PLEKHG1: variants seen among roughly 807,000 people sequenced by gnomAD.
PLEKHG1 encodes the protein pleckstrin homology domain-containing family G member 1.
PLEKHG1 carries 44 observed loss-of-function variants against 100.8 expected under a neutral mutation model. That is an observed-to-expected ratio of 0.44 (90% confidence interval 0.34 to 0.56). The LOEUF is 0.56. Among genes scored for constraint, PLEKHG1 ranks in the 20% least tolerant of loss-of-function variants. PLEKHG1 has a pLI of 0.01. For synonymous variants in PLEKHG1, 640 were observed against 662.5 expected (o/e 0.97, Z 0.52); for missense variants, 1,545 against 1,720.9 (o/e 0.90, Z 1.81).
At chr6:150,801,624 G>C (rs1050579690) in intron 6 of PLEKHG1, among the ~76,000 whole-genome samples, 2 of 151,490 alleles carry the variant, frequency 1.3e-5, no homozygotes, top group Admixed American at 1.3e-4. Context: ...ATTTTTGGTA[G>C]AGATAGAGTT....
In PLEKHG1 at chr6:150,756,949, A is replaced by G. The variant is rs560879376; in HGVS notation, c.412-11689A>G. ...AAGTCATATAGGTAATTATTGTCCA[A>G]CACATGTTTAAGTAAAGTATATGAT... On this transcript the variant is annotated intron_variant, in intron 2 of 15. Transcript: ENST00000358517. Among the ~76,000 whole-genome samples, 5 of 152,300 alleles carry G rather than the reference A, an allele frequency of 3.3e-5. No individual in the cohort carries two copies. The East Asian group carries it at 7.7e-4, about 23-fold the overall frequency.
chr6:150,622,876 A>G (rs965986991), intron 1 of PLEKHG1, among the ~76,000 whole-genome samples: 1 of 152,208 alleles, frequency 6.6e-6, no homozygotes, highest in Non-Finnish European at 1.5e-5. Flanking sequence ...GAAGATAGAA[A>G]AACAAAGAGG....
intron 2 of PLEKHG1, among the ~76,000 whole-genome samples, chr6:150,767,266 T>A (rs564033313): frequency 6.6e-6 from 1 of 152,216 alleles, no homozygotes; most frequent in Admixed American, 6.5e-5. Flanking sequence ...CTCTTATGAT[T>A]GTTCCATTTA....
intron 3 of PLEKHG1, among the ~76,000 whole-genome samples, chr6:150,704,319 C>T (rs1286588267): frequency 6.6e-6 from 1 of 152,204 alleles, no homozygotes. Flanking sequence ...CCTCTTGTCC[C>T]TTCTGAACAA....
chr6:150,828,013 T>C, intron 14 of PLEKHG1: 2 of 1,613,114 alleles, frequency 1.2e-6, no homozygotes, highest in South Asian at 2.2e-5. Flanking sequence ...TGGGTCATCT[T>C]GCACCTTTAC....
In PLEKHG1 at chr6:150,677,283, T is replaced by TACGCACAC. The variant is rs756621195; in HGVS notation, c.-99+26498_-99+26499insCGCACACA. ...CAGTCTTGTCTCTTGTTTCTTCCCCTATACACACACACACACACACGCGCG... is the reference window on the plus strand; with the variant it reads ...CAGTCTTGTCTCTTGTTTCTTCCCCTACGCACACATACACACACACACACACACGCGCG... On this transcript the variant is annotated intron_variant, in intron 3 of 3. Transcript: ENST00000367326. 5.1e-3 allele frequency among the ~76,000 whole-genome samples: 690 copies of TACGCACAC among 134,250 alleles called. 4 individuals are homozygous for TACGCACAC. Among genetic ancestry groups the TACGCACAC allele is most frequent in the Middle Eastern group, 0.034 (8 of 238 alleles). The allele number at this position is 134,250 out of a possible 152,430, so 88.1% of individuals were successfully genotyped here.
intron 3 of PLEKHG1, among the ~76,000 whole-genome samples, chr6:150,774,219 A>G (rs570847164): frequency 2.6e-5 from 4 of 152,286 alleles, no homozygotes; most frequent in African/African-American, 7.2e-5. Flanking sequence ...AAGTCTTCCT[A>G]TACAATATTG....
chr6:150,791,029 C>CA lies in PLEKHG1; in HGVS notation c.582+4574dup, dbSNP rs140383586. On this transcript the variant is annotated intron_variant, in intron 4 of 15. Coordinates refer to ENST00000358517, the Ensembl canonical transcript of PLEKHG1. ...ACAGAGTGAGACTCCGTCTCAAAAA[C>CA]AAAAGAAAAAAGAATATATACTCCT... 4.7e-3 allele frequency among the ~76,000 whole-genome samples: 717 copies of CA among 151,988 alleles called. 4 individuals are homozygous for CA. The highest frequency in any genetic ancestry group is 0.017 in the African/African-American group (691 of 41,446).
intron 2 of PLEKHG1, among the ~76,000 whole-genome samples, chr6:150,753,971 C>A (rs1429885862): frequency 6.6e-6 from 1 of 152,212 alleles, no homozygotes; most frequent in Non-Finnish European, 1.5e-5. Flanking sequence ...GCAGAGTCTA[C>A]ACTCATTAGG....
intron 3 of PLEKHG1, among the ~76,000 whole-genome samples, chr6:150,661,005 A>G (rs1179460747): frequency 6.6e-6 from 1 of 152,118 alleles, no homozygotes; most frequent in Non-Finnish European, 1.5e-5. Flanking sequence ...TTCCAAGGAG[A>G]ATGGGATTCT....
At chr6:150,655,474 C>T (rs376942531) in intron 3 of PLEKHG1, among the ~76,000 whole-genome samples, 48 of 152,060 alleles carry the variant, frequency 3.2e-4, no homozygotes, top group Middle Eastern at 3.4e-3. Context: ...TTAGGGAGGC[C>T]GAGGCGGGTA....
chr6:150,838,129 A>T (rs1446292968), intron 15 of PLEKHG1, among the ~76,000 whole-genome samples: 1 of 152,278 alleles, frequency 6.6e-6, no homozygotes, highest in Non-Finnish European at 1.5e-5. Flanking sequence ...AGTATTTATT[A>T]GTAGTTTAAG....
At chr6:150,709,969 G>A (rs559220029) in intron 3 of PLEKHG1, among the ~76,000 whole-genome samples, 1 of 151,740 alleles carries the variant, frequency 6.6e-6, no homozygotes, top group South Asian at 2.1e-4. Flanking sequence ...TTATTTTTTT[G>A]TAGAGATGGG....
intron 1 of PLEKHG1, among the ~76,000 whole-genome samples, chr6:150,606,202 G>C (rs1776591677): frequency 6.6e-6 from 1 of 152,192 alleles, no homozygotes; most frequent in South Asian, 2.1e-4. Flanking sequence ...CACATAACTT[G>C]TGTAGGAGTG....
chr6:150,694,330 A>G (rs189771063), intron 3 of PLEKHG1, among the ~76,000 whole-genome samples: 1 of 152,308 alleles, frequency 6.6e-6, no homozygotes, highest in African/African-American at 2.4e-5. Context: ...ATTTTTCTCA[A>G]GTAGGGATGA....
chr6:150,786,513 T>C, intron 4 of PLEKHG1, 54 bp downstream of exon 5: 1 of 1,173,674 alleles, frequency 8.5e-7, no homozygotes, highest in Non-Finnish European at 1.2e-6. Flanking sequence ...AGTACAGAAT[T>C]TTTCATTTTA....
intron 14 of PLEKHG1, chr6:150,828,227 A>G: frequency 1.9e-6 from 3 of 1,613,864 alleles, no homozygotes; most frequent in Non-Finnish European, 2.5e-6. Flanking sequence ...GGCGGCATGA[A>G]CCTGACAAGA....
At chr6:150,773,540 T>C (rs977441004) in intron 3 of PLEKHG1, among the ~76,000 whole-genome samples, 2 of 151,868 alleles carry the variant, frequency 1.3e-5, no homozygotes, top group African/African-American at 4.8e-5. Context: ...TCTCAAAAAA[T>C]AAAAATAAAA....
At chr6:150,780,510 C>G (rs987185602) in intron 3 of PLEKHG1, among the ~76,000 whole-genome samples, 2 of 152,048 alleles carry the variant, frequency 1.3e-5, no homozygotes, top group East Asian at 3.8e-4. Flanking sequence ...TTCCTTTTTT[C>G]CGTGAGAATA....
Sources: gnomAD v4.1 joint callset for allele counts (sites outside exome capture counted in the v4.1 genomes callset) on GRCh38, gnomAD v4.1.1 for gene constraint, MANE v1.5 for transcripts, NCBI Gene and HGNC (gene_info 2026-07-23, HGNC 2026-07-21) for gene names.